The following TMEM74 variants were observed in gnomAD, a reference collection of about 807,000 sequenced individuals.
TMEM74 encodes the protein transmembrane protein 74.
In TMEM74, 13 loss-of-function variants were observed where a neutral mutation model predicts 18.1. The observed-to-expected ratio is 0.72, with a 90% CI of 0.47 to 1.14. TMEM74 has a LOEUF of 1.14. Ranked by LOEUF, TMEM74 falls within the 50% of genes most tolerant of loss-of-function variation. The pLI is 0.00. For synonymous variants in TMEM74, 159 were observed against 146.6 expected (o/e 1.08, Z -0.61); for missense variants, 372 against 375.9 (o/e 0.99, Z 0.09).
chr8:108,709,096 A>ATTTTACATT (rs1813449448), intron 1 of TMEM74, among the ~76,000 whole-genome samples: 3 of 152,214 alleles, frequency 2.0e-5, no homozygotes, highest in African/African-American at 7.2e-5. Flanking sequence ...AAAATTTTGC[A>ATTTTACATT]GCAGCTATGA....
intron 1 of TMEM74, among the ~76,000 whole-genome samples, chr8:108,685,632 A>T (rs986702610): frequency 6.6e-6 from 1 of 152,192 alleles, no homozygotes; most frequent in Non-Finnish European, 1.5e-5. Flanking sequence ...TAATTCTATC[A>T]TGACAACTGG....
intron 1 of TMEM74, among the ~76,000 whole-genome samples, chr8:108,771,710 C>T (rs1271456137): frequency 6.6e-6 from 1 of 152,090 alleles, no homozygotes; most frequent in East Asian, 1.9e-4. Context: ...GAGCAATCTC[C>T]CTGTTGTTGA....
At chr8:108,685,332 A>G (rs918421503) in intron 1 of TMEM74, among the ~76,000 whole-genome samples, 3 of 152,046 alleles carry the variant, frequency 2.0e-5, no homozygotes, top group African/African-American at 7.2e-5. Flanking sequence ...CATTCTAATA[A>G]GTTTTGGTAG....
At chr8:108,649,023 T>TG (rs1292217715) in intron 2 of TMEM74, among the ~76,000 whole-genome samples, 1 of 152,194 alleles carries the variant, frequency 6.6e-6, no homozygotes, top group Non-Finnish European at 1.5e-5. Context: ...GACTTTTACG[T>TG]GGGTTCTTTA....
intron 1 of TMEM74, among the ~76,000 whole-genome samples, chr8:108,706,742 C>G (rs909218465): frequency 4.7e-5 from 7 of 150,330 alleles, no homozygotes; most frequent in Non-Finnish European, 1.0e-4. Flanking sequence ...CAAGCCAACT[C>G]CTATGTTTAA....
chr8:108,650,263 C>A (rs148732246), intron 2 of TMEM74, among the ~76,000 whole-genome samples: 3,202 of 152,294 alleles, frequency 0.021, 61 homozygotes, highest in Non-Finnish European at 0.037. Flanking sequence ...CCAGCCAAGT[C>A]ATTATCATTT....
intron 2 of TMEM74, among the ~76,000 whole-genome samples, chr8:108,629,123 T>G (rs563308321): frequency 6.6e-6 from 1 of 152,004 alleles, no homozygotes; most frequent in Non-Finnish European, 1.5e-5. Flanking sequence ...AATAACCAGT[T>G]TAGAGGAGAA....
intron 1 of TMEM74, among the ~76,000 whole-genome samples, chr8:108,760,149 G>GGAGAGAGAGA (rs72281415): frequency 6.9e-6 from 1 of 143,930 alleles, no homozygotes; most frequent in African/African-American, 2.6e-5. Flanking sequence ...CTGCAGACTG[G>GGAGAGAGAGA]GAGAGAGAGA....
Position 108,756,664 on chromosome 8 carries a change from GAA to G in TMEM74, n.119+30810_119+30811del, listed in dbSNP as rs1283935212. ...GAAGAAAGAAAGAGAAAGAAAGAAA[GAA>G]AGAAAGAAAGAAAGAAAGAAAGAAA... On this transcript the variant is annotated intron_variant and non_coding_transcript_variant, in intron 1 of 3. Transcript: ENST00000518838. 8.0e-4 allele frequency among the ~76,000 whole-genome samples: 67 copies of G among 84,190 alleles called. 1 individual carries two copies. The highest frequency in any genetic ancestry group is 2.8e-3 in the African/African-American group (51 of 18,082). 55.2% of individuals were successfully genotyped at this position (84,190 alleles called of 152,430 possible). A position where few individuals can be genotyped will look rare whatever the true frequency, so the allele number is the denominator to read the frequency against.
At chr8:108,612,301 T>G (rs1812342055) in intron 2 of TMEM74, among the ~76,000 whole-genome samples, 1 of 152,184 alleles carries the variant, frequency 6.6e-6, no homozygotes, top group Non-Finnish European at 1.5e-5. Context: ...TATTAAAACC[T>G]ACTTAACATT....
chr8:108,670,802 A>T (rs1163520200), intron 1 of TMEM74, among the ~76,000 whole-genome samples: 1 of 152,186 alleles, frequency 6.6e-6, no homozygotes, highest in Non-Finnish European at 1.5e-5. Context: ...AGGTTAAAGA[A>T]AAAGAAGGAA....
intron 1 of TMEM74, among the ~76,000 whole-genome samples, chr8:108,723,028 G>C (rs1361069510): frequency 2.6e-5 from 4 of 152,170 alleles, no homozygotes; most frequent in African/African-American, 9.7e-5. Context: ...CAGGTAGAGT[G>C]TTCCTTACAG....
intron 1 of TMEM74, among the ~76,000 whole-genome samples, chr8:108,761,421 TC>T (rs1192905882): frequency 6.6e-6 from 1 of 152,110 alleles, no homozygotes; most frequent in Non-Finnish European, 1.5e-5. Context: ...TTAATAATGA[TC>T]TATGAAAATT....
At chr8:108,705,515 T>A (rs1813388442) in intron 1 of TMEM74, among the ~76,000 whole-genome samples, 1 of 152,120 alleles carries the variant, frequency 6.6e-6, no homozygotes, top group Non-Finnish European at 1.5e-5. Flanking sequence ...TCCCCTGTCT[T>A]TGTGGGTGTA....
chr8:108,768,728 A>T (rs1274165454), intron 1 of TMEM74, among the ~76,000 whole-genome samples: 1 of 152,090 alleles, frequency 6.6e-6, no homozygotes, highest in Non-Finnish European at 1.5e-5. Flanking sequence ...ATCAGCTCCT[A>T]CCTGCTGCTC....
At chr8:108,725,400 T>C (rs537445635) in intron 1 of TMEM74, among the ~76,000 whole-genome samples, 1 of 152,160 alleles carries the variant, frequency 6.6e-6, no homozygotes, top group South Asian at 2.1e-4. Context: ...TCAAAACCAC[T>C]TCTTAAACAA....
intron 1 of TMEM74, among the ~76,000 whole-genome samples, chr8:108,713,719 A>T (rs1813495040): frequency 6.6e-6 from 1 of 152,238 alleles, no homozygotes; most frequent in African/African-American, 2.4e-5. Flanking sequence ...TATACATGAT[A>T]TATGAGAGGA....
At chr8:108,610,178 A>T (rs1812321017) in intron 2 of TMEM74, among the ~76,000 whole-genome samples, 1 of 152,226 alleles carries the variant, frequency 6.6e-6, no homozygotes, top group Non-Finnish European at 1.5e-5. Context: ...TCGAAGGAGC[A>T]CAAATGTGAA....
intron 1 of TMEM74, among the ~76,000 whole-genome samples, chr8:108,708,809 C>CAAA (rs71564016): frequency 0.082 from 1,460 of 17,914 alleles, 127 homozygotes; most frequent in East Asian, 0.19. Context: ...AACTCAATAG[C>CAAA]AAAAAAAAAA....
Sources: gnomAD v4.1 joint callset for allele counts (sites outside exome capture counted in the v4.1 genomes callset) on GRCh38, gnomAD v4.1.1 for gene constraint, MANE v1.5 for transcripts, NCBI Gene and HGNC (gene_info 2026-07-23, HGNC 2026-07-21) for gene names.